Variants in TRMT2B observed in about 807,000 individuals in gnomAD.
The protein encoded by TRMT2B is tRNA methyltransferase 2B.
TRMT2B carries 34 observed loss-of-function variants against 39.7 expected under a neutral mutation model. That is an observed-to-expected ratio of 0.86 (90% CI 0.65 to 1.14). The LOEUF (loss-of-function observed/expected upper bound fraction) is 1.14. TRMT2B is among the 50% of genes most tolerant of loss of function. TRMT2B has a pLI of 0.00. For synonymous variants in TRMT2B, 132 were observed against 137.3 expected (o/e 0.96, Z 0.27); for missense variants, 318 against 377.2 (o/e 0.84, Z 1.30).
At chrX:101,019,788 A>G (rs1345470701) in intron 11 of TRMT2B, among the ~76,000 whole-genome samples, 3 of 108,656 alleles carry the variant, frequency 2.8e-5, no homozygotes, top group African/African-American at 1.0e-4. Flanking sequence ...GCCTGCCACC[A>G]CGACCGGCTA....
At position 101,010,562 on chromosome X, in the gene TRMT2B, C is replaced by A; in HGVS notation, c.*19G>T. Reference sequence around the variant, plus strand: ...AACTTCAGCCTTAACAAATAGCCTGCTGTCTTCTAGGAGGCTGCTTATCGA... The same window carrying A: ...AACTTCAGCCTTAACAAATAGCCTGATGTCTTCTAGGAGGCTGCTTATCGA... On this transcript the variant is annotated 3_prime_UTR_variant, in exon 14 of 14. Transcript: ENST00000372936. The A allele has an allele frequency of 8.3e-7, 1 of 1,208,933 alleles. No homozygotes were observed. The highest frequency in any genetic ancestry group is 1.8e-5 in the South Asian group (1 of 56,647).
the TRMT2B span, chrX:100,985,965 T>G: frequency 8.6e-7 from 1 of 1,162,322 alleles, no homozygotes. Context: ...TTTGTACCCT[T>G]AAAAGTATAG....
chrX:101,039,587 T>C (rs995958843), intron 4 of TRMT2B, among the ~76,000 whole-genome samples: 52 of 111,678 alleles, frequency 4.7e-4, no homozygotes, highest in Non-Finnish European at 8.8e-4. Flanking sequence ...GTTTTGTACA[T>C]GGCAAGTGGT....
downstream of TRMT2B, among the ~76,000 whole-genome samples, chrX:101,005,880 CAAAAAAAAAAAAA>C (rs370275736): frequency 0.56 from 36,651 of 65,286 alleles, 6,737 homozygotes; most frequent in South Asian, 0.63. Flanking sequence ...GATTCCCACT[CAAAAAAAAAAAAA>C]AAAAAAAAAA....
chrX:101,008,966 G>A (rs940101939), downstream of TRMT2B, among the ~76,000 whole-genome samples: 5 of 111,447 alleles, frequency 4.5e-5, no homozygotes, highest in African/African-American at 1.6e-4. Flanking sequence ...GCCCACCCTG[G>A]TGTCTTTCCC....
intron 2 of TRMT2B, among the ~76,000 whole-genome samples, chrX:101,049,942 G>A (rs1193801813): frequency 9.8e-5 from 11 of 112,143 alleles, no homozygotes; most frequent in Non-Finnish European, 2.1e-4. Flanking sequence ...GACTACAGGG[G>A]AAGGGAGTAG....
At chrX:100,979,343 TTGTC>T in the TRMT2B span, among the ~76,000 whole-genome samples, 331 of 112,185 alleles carry the variant, frequency 3.0e-3, 3 homozygotes, top group African/African-American at 9.7e-3. Flanking sequence ...CAGCTTTTGT[TTGTC>T]TGGGAAATAC....
chrX:101,038,371 C>CAAAA (rs57481304), intron 4 of TRMT2B, among the ~76,000 whole-genome samples: 127 of 35,036 alleles, frequency 3.6e-3, no homozygotes, highest in Non-Finnish European at 4.0e-3. Flanking sequence ...AACTCCGTCT[C>CAAAA]AAAAAAAAAA....
chrX:100,991,745 G>T, the TRMT2B span, among the ~76,000 whole-genome samples: 1 of 111,706 alleles, frequency 9.0e-6, no homozygotes, highest in African/African-American at 3.3e-5. Flanking sequence ...ATACCTGACT[G>T]CATTTCACAG....
At chrX:100,991,493 C>T in the TRMT2B span, among the ~76,000 whole-genome samples, 1 of 111,027 alleles carries the variant, frequency 9.0e-6, no homozygotes, top group African/African-American at 3.3e-5. Flanking sequence ...ATTCTCCTGC[C>T]TCAGCCTCCC....
Position 101,042,045 on chromosome X carries a change from T to G in TRMT2B, c.245A>C (p.Glu82Ala). 1 of 1,211,538 alleles carries G rather than the reference T, an allele frequency of 8.3e-7. No individual in the cohort carries two copies. The highest frequency in any genetic ancestry group is 1.8e-5 in the South Asian group (1 of 56,943). ...HLGPLDGSWQ[E>A]RLADVVTPLW... ...AGGACATCAGCCTGGCCTTTACCTTTCCTGCCAGGAACCATCTAGTGGTCC... is the reference window on the plus strand; with the variant it reads ...AGGACATCAGCCTGGCCTTTACCTTGCCTGCCAGGAACCATCTAGTGGTCC... The change falls in exon 3 of 14, where the codon GAA becomes GCA. Residue 82 changes from glutamate to alanine, a missense_variant. By Grantham distance (107) the Glu-to-Ala change is moderately radical (BLOSUM62 -1). Transcript: ENST00000372936.
At chrX:101,033,533 T>A (rs748724253) in intron 7 of TRMT2B, among the ~76,000 whole-genome samples, 1 of 109,697 alleles carries the variant, frequency 9.1e-6, no homozygotes, top group Non-Finnish European at 1.9e-5. Context: ...GGGTGGAGGC[T>A]GCAGTGATCC....
At chrX:101,034,871 A>C (rs2087739154) in intron 7 of TRMT2B, among the ~76,000 whole-genome samples, 1 of 110,996 alleles carries the variant, frequency 9.0e-6, no homozygotes, top group Non-Finnish European at 1.9e-5. Context: ...ATCTCTACTA[A>C]AAATTCAAAA....
At chrX:101,011,179 T>C (rs1223017135) in intron 13 of TRMT2B, among the ~76,000 whole-genome samples, 2 of 111,742 alleles carry the variant, frequency 1.8e-5, no homozygotes, top group Non-Finnish European at 3.8e-5. Flanking sequence ...TTAGGCAATT[T>C]CTTCACTGTG....
the TRMT2B span, among the ~76,000 whole-genome samples, chrX:100,987,832 T>C: frequency 2.7e-5 from 3 of 111,071 alleles, no homozygotes; most frequent in African/African-American, 9.8e-5. Flanking sequence ...CAAAACAGGG[T>C]TTCTAATATC....
chrX:100,988,579 A>G, the TRMT2B span: 2 of 974,497 alleles, frequency 2.1e-6, no homozygotes, highest in Admixed American at 4.4e-5. Flanking sequence ...ATCAGTGGTT[A>G]GAGAAGAAAA....
rs112776617 is a variant in TRMT2B at position 101,026,066 on chromosome X, A to G, written c.610-2450T>C. Among the ~76,000 whole-genome samples the G allele has an allele frequency of 4.1e-3, 445 of 108,771 alleles. 1 individual carries two copies. Among genetic ancestry groups the G allele is most frequent in the Non-Finnish European group, 6.7e-3 (351 of 52,118 alleles). The allele number at this position is 108,771 out of a possible 115,157, so 94.5% of individuals were successfully genotyped here. ...GAAGGAAGGGAGGGAGGGAGGGAGG[A>G]AGGAAGGAAGGAAAGAAAGAAAAAA... is the stretch of plus-strand genomic sequence containing the variant. On this transcript the variant is annotated intron_variant, in intron 7 of 13. Coordinates refer to ENST00000372936, the MANE Select transcript of TRMT2B (RefSeq NM_024917.6).
downstream of TRMT2B, among the ~76,000 whole-genome samples, chrX:101,006,195 A>C (rs2147985633): frequency 9.0e-6 from 1 of 110,982 alleles, no homozygotes; most frequent in South Asian, 3.8e-4. Flanking sequence ...GCGCTGCTGC[A>C]CTCCAGCCTG....
intron 13 of TRMT2B, among the ~76,000 whole-genome samples, chrX:101,016,223 C>T (rs969428798): frequency 7.2e-5 from 8 of 111,452 alleles, no homozygotes; most frequent in Non-Finnish European, 1.1e-4. Context: ...ACCAAACACC[C>T]GTTAGCAATC....
Sources: allele counts gnomAD v4.1 joint callset (sites outside exome capture counted in the v4.1 genomes callset), GRCh38; gene constraint gnomAD v4.1.1; transcripts MANE v1.5; gene names NCBI Gene and HGNC (gene_info 2026-07-23, HGNC 2026-07-21).